SYNRG: variants seen among roughly 807,000 people sequenced by gnomAD.
SYNRG encodes the protein synergin gamma, also known as AP1 gamma subunit binding protein 1.
SYNRG carries 37 observed loss-of-function variants against 130.9 expected under a neutral mutation model. The observed-to-expected ratio is 0.28, with a 90% CI of 0.22 to 0.37. SYNRG has a LOEUF of 0.37. SYNRG is among the 10% of genes least tolerant of loss of function. SYNRG has a pLI of 1.00. For synonymous variants in SYNRG, 539 were observed against 568.1 expected, an observed-to-expected ratio of 0.95 and a Z score of 0.73; for missense variants, 1,338 against 1,588.9, an observed-to-expected ratio of 0.84 and a Z score of 2.68.
At chr17:37,539,001 G>C (rs963098444) in intron 17 of SYNRG, 191 bp downstream of exon 17, 56 of 968,392 alleles carry the variant, frequency 5.8e-5, no homozygotes, top group Non-Finnish European at 6.8e-5. Flanking sequence ...TGACACATGA[G>C]CCGGTCTGCT....
intron 6 of SYNRG, among the ~76,000 whole-genome samples, chr17:37,581,085 C>T (rs1183073984): frequency 2.0e-5 from 3 of 152,136 alleles, no homozygotes. Flanking sequence ...AAAGTAAACC[C>T]TGCCTGAAGA....
At chr17:37,603,354 TAAC>T (rs911970870) in intron 1 of SYNRG, among the ~76,000 whole-genome samples, 5 of 152,026 alleles carry the variant, frequency 3.3e-5, no homozygotes, top group Non-Finnish European at 4.4e-5. Context: ...ATAATAATAA[TAAC>T]AACAACAACA....
Position 37,518,379 on chromosome 17 carries a change from A to G in SYNRG, c.*561T>C, listed in dbSNP as rs2054584524. 1.3e-5 allele frequency: 2 copies of G among 152,442 alleles called. No individual in the cohort carries two copies. The highest frequency in any genetic ancestry group is 4.8e-5 in the African/African-American group (2 of 41,584). 9.4% of individuals were successfully genotyped at this position (152,442 alleles called of 1,614,324 possible). A position where few individuals can be genotyped will look rare whatever the true frequency, so the allele number is the denominator to read the frequency against. Reference sequence around the variant, plus strand: ...AGAACTGGTTCAGTTGTGACAACCAAGTGGGTAAAATCTGCCCTCACCTGC... The same window carrying G: ...AGAACTGGTTCAGTTGTGACAACCAGGTGGGTAAAATCTGCCCTCACCTGC... On this transcript the variant is annotated 3_prime_UTR_variant, in exon 22 of 22. Transcript: ENST00000612223.
Position 37,546,360 on chromosome 17 carries a change from G to A in SYNRG, c.2609-3795C>T, listed in dbSNP as rs150657881. Among the ~76,000 whole-genome samples the A allele has an allele frequency of 9.6e-4, 146 of 152,294 alleles. No homozygotes were observed. In the Middle Eastern group the frequency reaches 0.01, roughly 11 times the overall value. ...AGTTCTGCTGCAAAACTCCTAGGCT[G>A]TGCTAGGCTGACTGCATTTGCACAC... On this transcript the variant is annotated intron_variant, in intron 14 of 21. Coordinates refer to ENST00000612223, the MANE Select transcript of SYNRG (RefSeq NM_007247.6).
intron 19 of SYNRG, among the ~76,000 whole-genome samples, chr17:37,532,934 C>T (rs1329991384): frequency 6.6e-6 from 1 of 152,154 alleles, no homozygotes; most frequent in Non-Finnish European, 1.5e-5. Flanking sequence ...AAATGACTTC[C>T]ACTCATACTT....
rs549324168 is a variant in SYNRG at position 37,585,253 on chromosome 17, C to G, written c.477+72G>C. ...TGGGCTGGTGCCCCAGTGACGAAAT[C>G]CACTCAATGAGTGGGAAGAGGCACA... On this transcript the variant is annotated intron_variant, in intron 5 of 21. Coordinates refer to ENST00000612223, the MANE Select transcript of SYNRG (RefSeq NM_007247.6). 195 of 1,261,192 alleles carry G rather than the reference C, an allele frequency of 1.5e-4. No individual in the cohort carries two copies. In the East Asian group the frequency reaches 4.7e-3, roughly 30 times the overall value. The allele number at this position is 1,261,192 out of a possible 1,614,324, so 78.1% of individuals were successfully genotyped here. A position where few individuals can be genotyped will look rare whatever the true frequency, so the allele number is the denominator to read the frequency against.
intron 14 of SYNRG, among the ~76,000 whole-genome samples, chr17:37,548,333 T>C (rs973878604): frequency 1.3e-5 from 2 of 152,206 alleles, no homozygotes; most frequent in Non-Finnish European, 2.9e-5. Flanking sequence ...ATATAATGCA[T>C]TTACACAAGG....
intron 18 of SYNRG, among the ~76,000 whole-genome samples, 192 bp downstream of exon 18, chr17:37,538,132 C>G (rs1403302261): frequency 2.0e-5 from 3 of 152,182 alleles, no homozygotes; most frequent in Admixed American, 1.3e-4. Flanking sequence ...GATGAGGAAA[C>G]TTAGCCATAG....
Position 37,596,404 on chromosome 17 carries a change from A to G in SYNRG, c.119-60T>C, listed in dbSNP as rs1245123152. On this transcript the variant is annotated intron_variant, in intron 2 of 21. Transcript: ENST00000612223. ...TTTTAAAGTTTATTTTCTTAAAACC[A>G]TAAGTACCTAAAGGACTTGTTACTT... 1.6e-5 allele frequency: 26 copies of G among 1,589,408 alleles called. 1 individual carries two copies. Among genetic ancestry groups the G allele is most frequent in the African/African-American group, 5.4e-5 (4 of 74,264 alleles).
intron 6 of SYNRG, among the ~76,000 whole-genome samples, chr17:37,582,772 G>A (rs997080774): frequency 5.3e-5 from 8 of 152,040 alleles, no homozygotes; most frequent in African/African-American, 1.9e-4. Flanking sequence ...GAAGTGGTAG[G>A]ATTGTCTGAG....
chr17:37,570,150 T>C (rs2145966858), intron 10 of SYNRG, among the ~76,000 whole-genome samples: 1 of 150,658 alleles, frequency 6.6e-6, no homozygotes, highest in South Asian at 2.1e-4. Context: ...AGGCTTTTTT[T>C]TTTTTTTTTT....
chr17:37,559,920 T>C (rs2059401491), intron 13 of SYNRG, among the ~76,000 whole-genome samples: 1 of 152,170 alleles, frequency 6.6e-6, no homozygotes, highest in Admixed American at 6.5e-5. Context: ...CCCTGAATTT[T>C]ATTTTATTTT....
In SYNRG at chr17:37,515,420, T is replaced by C. The variant is rs1404023229; in HGVS notation, c.*3520A>G. ...TGTCTGAAAATGTCAGTTTATTAAC[T>C]GTTCACAAAGGCAGGCATTTGACCT... On this transcript the variant is annotated 3_prime_UTR_variant, in exon 22 of 22. Coordinates refer to ENST00000612223, the MANE Select transcript of SYNRG (RefSeq NM_007247.6). 1 of 152,172 alleles carries C rather than the reference T, an allele frequency of 6.6e-6. No homozygotes were observed. The highest frequency in any genetic ancestry group is 1.5e-5 in the Non-Finnish European group (1 of 68,028). 9.4% of individuals were successfully genotyped at this position (152,172 alleles called of 1,614,324 possible).
chr17:37,571,817 C>T lies in SYNRG; in HGVS notation c.1072G>A (p.Val358Ile), dbSNP rs775388885. ...TGTGTTACCGCTATCATGGCTAGAA[C>T]GGTATAAAGTTCTTCTTTTGTAAGT... ...GKLTKEELYT[V>I]LAMIAVTQRG... The change falls in exon 9 of 22, where the codon GTT becomes ATT. Residue 358 changes from valine to isoleucine, a missense_variant. By Grantham distance (29) the Val-to-Ile change is conservative. Transcript: ENST00000612223. The T allele has an allele frequency of 1.6e-5, 26 of 1,613,486 alleles. No individual in the cohort carries two copies. Among genetic ancestry groups the T allele is most frequent in the East Asian group, 4.5e-5 (2 of 44,874 alleles).
At chr17:37,540,892 C>A in intron 15 of SYNRG, 1 of 1,012,472 alleles carries the variant, frequency 9.9e-7, no homozygotes, top group Non-Finnish European at 1.2e-6. Context: ...GCCTCCCCTC[C>A]CAAAGCGTTG....
intron 1 of SYNRG, among the ~76,000 whole-genome samples, chr17:37,607,557 G>A (rs1011671831): frequency 1.2e-4 from 18 of 152,196 alleles, no homozygotes; most frequent in Admixed American, 5.2e-4. Context: ...GGGAGGCCAA[G>A]GTGGGCGGAT....
At chr17:37,577,157 C>T (rs1002586702) in intron 7 of SYNRG, among the ~76,000 whole-genome samples, 2 of 151,758 alleles carry the variant, frequency 1.3e-5, no homozygotes, top group Non-Finnish European at 2.9e-5. Flanking sequence ...ATTAAGAAAA[C>T]CAGTTATCAA....
chr17:37,599,200 G>A (rs2063046710), intron 2 of SYNRG, among the ~76,000 whole-genome samples: 1 of 152,196 alleles, frequency 6.6e-6, no homozygotes, highest in Admixed American at 6.5e-5. Flanking sequence ...GCAGCTTGGT[G>A]TGACGGGAGA....
intron 10 of SYNRG, among the ~76,000 whole-genome samples, chr17:37,569,654 CAAA>C (rs528592907): frequency 1.9e-5 from 1 of 53,960 alleles, no homozygotes; most frequent in African/African-American, 9.4e-5. Flanking sequence ...GACTCTGTCT[CAAA>C]AAAAAAAAAA....
Sources: allele counts gnomAD v4.1 joint callset (sites outside exome capture counted in the v4.1 genomes callset), GRCh38; gene constraint gnomAD v4.1.1; transcripts MANE v1.5; gene names NCBI Gene and HGNC (gene_info 2026-07-23, HGNC 2026-07-21).